The following GPBP1 variants were observed in gnomAD, a reference collection of about 807,000 sequenced individuals.
GPBP1 encodes the protein GC-rich promoter binding protein 1, also known as vasculin.
In GPBP1, 13 loss-of-function variants were observed where a neutral mutation model predicts 56.5. The ratio of observed to expected loss-of-function variants is 0.23; its 90% CI spans 0.15 to 0.37. The LOEUF (loss-of-function observed/expected upper bound fraction) is 0.37. GPBP1 is among the 10% of genes least tolerant of loss of function. The pLI, the probability that GPBP1 is intolerant of heterozygous loss-of-function variation, is 1.00. For missense variants in GPBP1, 477 were observed against 572.3 expected (o/e 0.83, Z 1.70); for synonymous variants, 204 against 188.9 (o/e 1.08, Z -0.66).
At chr5:57,203,993 A>G (rs1393275782) in intron 2 of GPBP1, among the ~76,000 whole-genome samples, 1 of 152,176 alleles carries the variant, frequency 6.6e-6, no homozygotes, top group Admixed American at 6.6e-5. Flanking sequence ...TACCATCCTT[A>G]TCTGATGACC....
intron 3 of GPBP1, among the ~76,000 whole-genome samples, chr5:57,219,569 G>A (rs997263746): frequency 2.0e-5 from 3 of 151,816 alleles, no homozygotes; most frequent in African/African-American, 7.3e-5. Context: ...CTTCTCATTC[G>A]TGTGTGGGTC....
intron 3 of GPBP1, among the ~76,000 whole-genome samples, chr5:57,217,608 A>G (rs2111781645): frequency 6.6e-6 from 1 of 152,302 alleles, no homozygotes; most frequent in African/African-American, 2.4e-5. Flanking sequence ...AAACACAACT[A>G]CAAGTGGTCA....
intron 2 of GPBP1, among the ~76,000 whole-genome samples, chr5:57,190,177 G>A (rs950606574): frequency 1.2e-4 from 18 of 148,838 alleles, no homozygotes; most frequent in Middle Eastern, 3.4e-3. Context: ...TTTTAGGGGG[G>A]GGATTGGGTG....
At chr5:57,192,460 A>C (rs916770351) in intron 2 of GPBP1, among the ~76,000 whole-genome samples, 4 of 151,994 alleles carry the variant, frequency 2.6e-5, no homozygotes, top group Non-Finnish European at 4.4e-5. Context: ...TAAAACTTAA[A>C]ATTTAGGAGT....
At chr5:57,232,186 C>G (rs1030723853) in intron 5 of GPBP1, among the ~76,000 whole-genome samples, 3 of 152,102 alleles carry the variant, frequency 2.0e-5, no homozygotes, top group African/African-American at 4.8e-5. Flanking sequence ...ACCTAGCTCA[C>G]TATGTTGGCC....
At chr5:57,252,645 G>A (rs1042036600) in intron 10 of GPBP1, among the ~76,000 whole-genome samples, 3 of 151,988 alleles carry the variant, frequency 2.0e-5, no homozygotes, top group Admixed American at 6.6e-5. Context: ...CTCCCGTCTC[G>A]CCCTCCCAAA....
chr5:57,223,062 C>T (rs950252399), intron 3 of GPBP1, among the ~76,000 whole-genome samples: 4 of 151,500 alleles, frequency 2.6e-5, no homozygotes, highest in South Asian at 2.1e-4. Context: ...TTTCATATGG[C>T]GCCCCAGAAC....
intron 2 of GPBP1, among the ~76,000 whole-genome samples, chr5:57,201,274 G>A (rs1755010368): frequency 6.6e-6 from 1 of 152,158 alleles, no homozygotes; most frequent in Non-Finnish European, 1.5e-5. Context: ...TTACAAGTGT[G>A]TGCTACCATG....
chr5:57,212,658 CTTTTTCTT>C (rs1051126981), intron 2 of GPBP1, among the ~76,000 whole-genome samples: 3 of 149,074 alleles, frequency 2.0e-5, no homozygotes, highest in East Asian at 1.9e-4. Context: ...CCTTTCTTTT[CTTTTTCTT>C]TTTTTCTTTT....
At chr5:57,182,265 GT>G (rs970591026) in intron 2 of GPBP1, among the ~76,000 whole-genome samples, 54 of 152,046 alleles carry the variant, frequency 3.6e-4, no homozygotes, top group African/African-American at 1.1e-3. Flanking sequence ...TGTATTTTTA[GT>G]AGAGATGGGG....
chr5:57,232,704 G>A (rs967582260), intron 5 of GPBP1, among the ~76,000 whole-genome samples: 4 of 152,192 alleles, frequency 2.6e-5, no homozygotes, highest in East Asian at 1.9e-4. Flanking sequence ...AAGTAGATGC[G>A]TCAAGTTATA....
intron 2 of GPBP1, among the ~76,000 whole-genome samples, chr5:57,197,595 G>A (rs538800033): frequency 1.2e-4 from 19 of 152,236 alleles, no homozygotes; most frequent in African/African-American, 4.6e-4. Flanking sequence ...CTGACCTCAG[G>A]TGATCCACCC....
intron 1 of GPBP1, among the ~76,000 whole-genome samples, chr5:57,175,232 C>T (rs558811526): frequency 6.6e-6 from 1 of 152,174 alleles, no homozygotes; most frequent in Non-Finnish European, 1.5e-5. Flanking sequence ...TCCATAATAC[C>T]GTCACCTACC....
chr5:57,223,298 C>G (rs6894075), intron 3 of GPBP1, among the ~76,000 whole-genome samples: 4 of 152,070 alleles, frequency 2.6e-5, no homozygotes, highest in Non-Finnish European at 5.9e-5. Flanking sequence ...CTGTGTTAGC[C>G]AGGATGGTCT....
At chr5:57,186,452 C>A (rs1278256628) in intron 2 of GPBP1, among the ~76,000 whole-genome samples, 1 of 151,852 alleles carries the variant, frequency 6.6e-6, no homozygotes, top group Non-Finnish European at 1.5e-5. Context: ...GAAATCATTG[C>A]CTAACCCAAG....
intron 6 of GPBP1, among the ~76,000 whole-genome samples, chr5:57,242,536 C>G (rs1740879956): frequency 6.6e-6 from 1 of 152,136 alleles, no homozygotes; most frequent in Non-Finnish European, 1.5e-5. Flanking sequence ...CCCTCTCCCC[C>G]AGGCATGAGT....
At chr5:57,253,713 A>T (rs930304777) in intron 10 of GPBP1, among the ~76,000 whole-genome samples, 3 of 152,028 alleles carry the variant, frequency 2.0e-5, no homozygotes, top group African/African-American at 4.8e-5. Context: ...TTTATTTCTA[A>T]TTTTTTCAAA....
In GPBP1 at chr5:57,219,975, T is replaced by C. The variant is rs144739045; in HGVS notation, c.63+5782T>C. On this transcript the variant is annotated intron_variant, in intron 3 of 11. Transcript: ENST00000506184. Reference sequence around the variant, plus strand: ...GCTGAGCAGGAGAATCGCTTGAACCTGGGAGGCAGAGGTTGTAGTGAGCTG... The same window carrying C: ...GCTGAGCAGGAGAATCGCTTGAACCCGGGAGGCAGAGGTTGTAGTGAGCTG... 4.7e-5 allele frequency among the ~76,000 whole-genome samples: 7 copies of C among 150,126 alleles called. No homozygotes were observed. The East Asian group carries it at 1.4e-3, about 30-fold the overall frequency.
intron 6 of GPBP1, among the ~76,000 whole-genome samples, chr5:57,243,515 G>T (rs1231273784): frequency 6.6e-6 from 1 of 151,726 alleles, no homozygotes; most frequent in African/African-American, 2.4e-5. Flanking sequence ...CTTCTTTATA[G>T]AATATTTCAT....
Sources: gnomAD v4.1 joint callset for allele counts (sites outside exome capture counted in the v4.1 genomes callset) on GRCh38, gnomAD v4.1.1 for gene constraint, MANE v1.5 for transcripts, NCBI Gene and HGNC (gene_info 2026-07-23, HGNC 2026-07-21) for gene names.